The following PHYHD1 variants were observed in gnomAD, a reference collection of about 807,000 sequenced individuals.
The protein encoded by PHYHD1 is phytanoyl-CoA dioxygenase domain containing 1.
In PHYHD1, 42 loss-of-function variants were observed where a neutral mutation model predicts 43.6. The ratio of observed to expected loss-of-function variants is 0.96; its 90% confidence interval spans 0.75 to 1.25. PHYHD1 has a LOEUF of 1.25. Among genes scored for constraint, PHYHD1 ranks in the 50% most tolerant of loss-of-function variants. The pLI is 0.00. For synonymous variants in PHYHD1, 139 were observed against 143.6 expected (o/e 0.97, Z 0.23); for missense variants, 342 against 370.8 (o/e 0.92, Z 0.64).
At chr9:128,933,624 T>C (rs1016433284) in intron 4 of PHYHD1, 158 bp from the exon 5 acceptor site, 1 of 778,676 alleles carries the variant, frequency 1.3e-6, no homozygotes, top group Non-Finnish European at 2.3e-6. Flanking sequence ...CTTGAAGTTC[T>C]GGCTCACTGT....
intron 4 of PHYHD1, among the ~76,000 whole-genome samples, chr9:128,931,301 G>T (rs909149643): frequency 1.3e-5 from 2 of 151,812 alleles, no homozygotes; most frequent in Non-Finnish European, 2.9e-5. Context: ...TATTAGAGAC[G>T]TGGTTTCACC....
chr9:128,926,558 C>CTTTTTTTTTTTTTTTTT (rs56677426), intron 3 of PHYHD1, among the ~76,000 whole-genome samples: 1 of 119,116 alleles, frequency 8.4e-6, no homozygotes, highest in Non-Finnish European at 1.7e-5. Flanking sequence ...CTTTTTCTTT[C>CTTTTTTTTTTTTTTTTT]TTTTTTTTTT....
chr9:128,926,369 C>T (rs1287235167), intron 3 of PHYHD1, among the ~76,000 whole-genome samples: 1 of 151,222 alleles, frequency 6.6e-6, no homozygotes, highest in African/African-American at 2.4e-5. Flanking sequence ...CCTGCCTCAG[C>T]CTCCCGAGGA....
At chr9:128,931,763 G>A (rs1441882086) in intron 4 of PHYHD1, among the ~76,000 whole-genome samples, 7 of 152,086 alleles carry the variant, frequency 4.6e-5, no homozygotes, top group African/African-American at 1.4e-4. Flanking sequence ...TCCTGACCTC[G>A]TGATCCGTCC....
chr9:128,935,330 T>G (rs1841396725), intron 6 of PHYHD1, among the ~76,000 whole-genome samples: 1 of 152,034 alleles, frequency 6.6e-6, no homozygotes, highest in South Asian at 2.1e-4. Flanking sequence ...ACACGTAAGA[T>G]TTACCATATC....
In PHYHD1 at chr9:128,940,451, C is replaced by G; in HGVS notation, c.540C>G (p.Ala180=). 5 of 1,613,816 alleles carry G rather than the reference C, an allele frequency of 3.1e-6. No individual in the cohort carries two copies. The African/African-American group carries it at 4.0e-5, about 13-fold the overall frequency. Residue 180 remains alanine, a synonymous_variant, in exon 10 of 13, where the codon GCC becomes GCG. Transcript: ENST00000372592. The part of the protein sequence containing the change: ...VLGVWIAVED[A]TLENGCLWFI... Reference sequence around the variant, plus strand: ...GCGTGTGGATCGCAGTGGAGGATGCCACGCTGGAGAACGGCTGTCTCTGGT... The same window carrying G: ...GCGTGTGGATCGCAGTGGAGGATGCGACGCTGGAGAACGGCTGTCTCTGGT...
At chr9:128,929,040 G>A (rs1276438198) in intron 4 of PHYHD1, among the ~76,000 whole-genome samples, 1 of 152,144 alleles carries the variant, frequency 6.6e-6, no homozygotes, top group Non-Finnish European at 1.5e-5. Context: ...GGATAGAACA[G>A]TTGGGCAGCT....
chr9:128,937,974 G>T, intron 9 of PHYHD1, 196 bp downstream of exon 9: 2 of 1,464,526 alleles, frequency 1.4e-6, no homozygotes, highest in South Asian at 1.4e-5. Flanking sequence ...TTGGCATAGT[G>T]GGTCCTGAGC....
chr9:128,941,666 A>C lies in PHYHD1; in HGVS notation c.831-2A>C. 1 of 1,614,166 alleles carries C rather than the reference A, an allele frequency of 6.2e-7. No homozygotes were observed. The highest frequency in any genetic ancestry group is 8.5e-7 in the Non-Finnish European group (1 of 1,180,018). ...AGGTTGTTTCTCCTCTATCCTCTGC[A>C]GGCTCCAGCCAACAGCTGAACTGCC... On this transcript the variant is annotated splice_acceptor_variant, in intron 12 of 12. Coordinates refer to ENST00000372592, the MANE Select transcript of PHYHD1 (RefSeq NM_001100876.2). LOFTEE classifies it high-confidence loss of function.
chr9:128,932,023 T>TG (rs1324953709), intron 4 of PHYHD1, among the ~76,000 whole-genome samples: 1 of 150,230 alleles, frequency 6.7e-6, no homozygotes, highest in African/African-American at 2.5e-5. Context: ...TTAGTAGAGA[T>TG]GGGGTCTCAT....
At chr9:128,930,891 G>C (rs975771344) in intron 4 of PHYHD1, among the ~76,000 whole-genome samples, 1 of 150,312 alleles carries the variant, frequency 6.7e-6, no homozygotes, top group African/African-American at 2.5e-5. Context: ...GGAGCTTGCA[G>C]TGAGCCGAGA....
At chr9:128,927,506 G>C (rs2131099060) in intron 4 of PHYHD1, among the ~76,000 whole-genome samples, 1 of 152,190 alleles carries the variant, frequency 6.6e-6, no homozygotes, top group East Asian at 1.9e-4. Flanking sequence ...CTCCTGAGTA[G>C]CTGCACTTAC....
chr9:128,932,163 A>G (rs1275222719), intron 4 of PHYHD1, among the ~76,000 whole-genome samples: 1 of 125,348 alleles, frequency 8.0e-6, no homozygotes, highest in African/African-American at 3.4e-5. Context: ...TATTATTATT[A>G]TTATTGTTAT....
At chr9:128,938,429 GTTTT>G (rs888787917) in intron 9 of PHYHD1, among the ~76,000 whole-genome samples, 1 of 151,192 alleles carries the variant, frequency 6.6e-6, no homozygotes, top group African/African-American at 2.4e-5. Context: ...TGTTTTTTGG[GTTTT>G]TTTTTGAGAC....
chr9:128,930,236 C>T (rs1195871223), intron 4 of PHYHD1, among the ~76,000 whole-genome samples: 1 of 148,708 alleles, frequency 6.7e-6, no homozygotes, highest in Admixed American at 6.8e-5. Flanking sequence ...GCCAAGATTG[C>T]GCCACTGGAC....
chr9:128,938,499 A>G (rs1165726829), intron 9 of PHYHD1, among the ~76,000 whole-genome samples: 1 of 152,048 alleles, frequency 6.6e-6, no homozygotes, highest in Non-Finnish European at 1.5e-5. Flanking sequence ...TCGGCTCACT[A>G]CAACTTCCGC....
chr9:128,922,717 T>A (rs1482946358), intron 3 of PHYHD1, among the ~76,000 whole-genome samples: 1 of 152,204 alleles, frequency 6.6e-6, no homozygotes, highest in Non-Finnish European at 1.5e-5. Context: ...GTTCGTCCAA[T>A]CACAAAAGGC....
In PHYHD1 at chr9:128,934,321, G is replaced by A. The variant is rs570298441; in HGVS notation, c.316+263G>A. On this transcript the variant is annotated intron_variant, in intron 6 of 12. Coordinates refer to ENST00000372592, the MANE Select transcript of PHYHD1 (RefSeq NM_001100876.2). ...GGAGAATTGCTTGAACCTGGGAGGCGGATGTTGCAGTGAGCTGAGATGTGC... is the reference window on the plus strand; with the variant it reads ...GGAGAATTGCTTGAACCTGGGAGGCAGATGTTGCAGTGAGCTGAGATGTGC... 3.9e-5 allele frequency among the ~76,000 whole-genome samples: 6 copies of A among 151,910 alleles called. No individual in the cohort carries two copies. In the South Asian group the frequency reaches 1.0e-3, roughly 26 times the overall value.
intron 6 of PHYHD1, 31 bp downstream of exon 6, chr9:128,934,089 A>C: frequency 6.2e-7 from 1 of 1,605,332 alleles, no homozygotes; most frequent in Non-Finnish European, 8.5e-7. Context: ...ACAGGAAAGA[A>C]GATCGGGGAA....
Sources: allele counts gnomAD v4.1 joint callset (sites outside exome capture counted in the v4.1 genomes callset), GRCh38; gene constraint gnomAD v4.1.1; transcripts MANE v1.5; gene names NCBI Gene and HGNC (gene_info 2026-07-23, HGNC 2026-07-21).